The following MAPT variants were observed in gnomAD, a reference collection of about 807,000 sequenced individuals.
The protein encoded by MAPT is microtubule-associated protein tau.
A neutral mutation model predicts 67.9 loss-of-function variants in MAPT; 34 were observed. That is an observed-to-expected ratio of 0.50 (90% CI 0.38 to 0.67). MAPT has a LOEUF of 0.67. Ranked by LOEUF, MAPT falls within the 30% of genes least tolerant of loss-of-function variation. The pLI, the probability that MAPT is intolerant of heterozygous loss-of-function variation, is 0.00. For missense variants in MAPT, 881 were observed against 1,115.2 expected (o/e 0.79, Z 2.99); for synonymous variants, 456 against 464.5 (o/e 0.98, Z 0.23).
At chr17:45,918,389 G>T (rs952743514) in intron 1 of MAPT, among the ~76,000 whole-genome samples, 4 of 152,202 alleles carry the variant, frequency 2.6e-5, no homozygotes, top group African/African-American at 9.7e-5. Flanking sequence ...GGGCTGGCTG[G>T]GGTTGGATCT....
intron 2 of MAPT, among the ~76,000 whole-genome samples, chr17:45,963,369 CCTT>C (rs1489808266): frequency 6.6e-6 from 1 of 152,152 alleles, no homozygotes; most frequent in Non-Finnish European, 1.5e-5. Context: ...CCATGCTGGC[CCTT>C]CACCCACTGC....
chr17:45,990,347 C>T (rs527293267), intron 7 of MAPT, among the ~76,000 whole-genome samples: 1 of 152,264 alleles, frequency 6.6e-6, no homozygotes, highest in East Asian at 1.9e-4. Flanking sequence ...GGCACGGTGG[C>T]TCACACCTGT....
chr17:45,944,687 G>T (rs2068308379), intron 1 of MAPT, among the ~76,000 whole-genome samples: 1 of 152,210 alleles, frequency 6.6e-6, no homozygotes, highest in Non-Finnish European at 1.5e-5. Context: ...AAGCCTAGGA[G>T]CTGGTTATCA....
intron 9 of MAPT, among the ~76,000 whole-genome samples, chr17:46,003,919 C>G (rs117922561): frequency 1.6e-3 from 250 of 152,336 alleles, no homozygotes; most frequent in Non-Finnish European, 2.7e-3. Context: ...GTAAATAATT[C>G]TGAAGGTGAC....
chr17:45,945,684 A>C (rs1598086652), intron 1 of MAPT, among the ~76,000 whole-genome samples: 1 of 152,114 alleles, frequency 6.6e-6, no homozygotes, highest in South Asian at 2.1e-4. Flanking sequence ...GTGGTGGTGC[A>C]CACCTGTAAT....
At chr17:45,949,063 G>A (rs2068788829) in intron 1 of MAPT, among the ~76,000 whole-genome samples, 1 of 152,200 alleles carries the variant, frequency 6.6e-6, no homozygotes, top group Non-Finnish European at 1.5e-5. Context: ...AAATGTTTCC[G>A]GTATATTCAC....
intron 9 of MAPT, among the ~76,000 whole-genome samples, chr17:46,004,110 G>A (rs2075240849): frequency 6.6e-6 from 1 of 152,198 alleles, no homozygotes; most frequent in South Asian, 2.1e-4. Context: ...TGAGCCTGGT[G>A]AGGCAAAGCA....
In MAPT at chr17:45,996,229, G is replaced by C. The variant is rs1215731429; in HGVS notation, c.1733-170G>C. On this transcript the variant is annotated intron_variant, in intron 8 of 12. Coordinates refer to ENST00000262410, the MANE Select transcript of MAPT (RefSeq NM_001377265.1). This position sits in a 1 kb window ranked among gnomAD's most constrained non-coding sequence, Gnocchi z 4.5. ...CCCTAAGCAAAAAGGCAGGGAGGAA[G>C]AGATGCTTCCCCAGGGCAGCCGTCT... Among the ~76,000 whole-genome samples the C allele has an allele frequency of 6.6e-6, 1 of 152,184 alleles. No individual in the cohort carries two copies. The highest frequency in any genetic ancestry group is 1.5e-5 in the Non-Finnish European group (1 of 68,022).
intron 9 of MAPT, among the ~76,000 whole-genome samples, chr17:45,997,471 C>T (rs1290415278): frequency 6.6e-6 from 1 of 152,186 alleles, no homozygotes; most frequent in African/African-American, 2.4e-5. Flanking sequence ...TATAAGAACA[C>T]CATGGCAGCT....
intron 11 of MAPT, among the ~76,000 whole-genome samples, chr17:46,015,735 A>C (rs2076136192): frequency 6.6e-6 from 1 of 152,250 alleles, no homozygotes; most frequent in African/African-American, 2.4e-5. Context: ...TGTTTGTAAC[A>C]CAAAGGACAA....
Position 45,990,734 on chromosome 17 carries a change from G to A in MAPT, c.1605+659G>A, listed in dbSNP as rs980177064. ...CATCACGCCATAGCAACACTGCCCC[G>A]TGAGCTCACTGCCCCCTCAACTAGC... On this transcript the variant is annotated intron_variant, in intron 7 of 12. Coordinates refer to ENST00000262410, the MANE Select transcript of MAPT (RefSeq NM_001377265.1). Among the ~76,000 whole-genome samples, 4 of 152,080 alleles carry A rather than the reference G, an allele frequency of 2.6e-5. No individual in the cohort carries two copies. In the South Asian group the frequency reaches 6.2e-4, roughly 24 times the overall value.
Position 45,983,484 on chromosome 17 carries a change from C to T in MAPT, c.905C>T (p.Ser302Phe), listed in dbSNP as rs1218225501. 1.2e-6 allele frequency: 2 copies of T among 1,611,084 alleles called. No individual in the cohort carries two copies. Among genetic ancestry groups the T allele is most frequent in the Non-Finnish European group, 1.7e-6 (2 of 1,178,658 alleles). Residue 302 changes from serine to phenylalanine, a missense_variant, in exon 5 of 13, where the codon TCC becomes TTC. By Grantham distance (155) the Ser-to-Phe change is radical. This residue lies in a region of MAPT where 687 missense variants were observed against 766.1 expected (regional missense o/e 0.90). Coordinates refer to ENST00000262410, the MANE Select transcript of MAPT (RefSeq NM_001377265.1). ...EVDEDRDVDE[S>F]SPQDSPPSKA... ...GATGAAGACCGCGACGTCGATGAGT[C>T]CTCCCCCCAAGACTCCCCTCCCTCC...
Position 46,024,459 on chromosome 17 carries a change from C to T in MAPT, c.*288C>T, listed in dbSNP as rs993266975. Reference sequence around the variant, plus strand: ...TGGCCACATCCAACATTTCCTCAGGCAATTCCTTTTGATTCTTTTTTCTTC... The same window carrying T: ...TGGCCACATCCAACATTTCCTCAGGTAATTCCTTTTGATTCTTTTTTCTTC... On this transcript the variant is annotated 3_prime_UTR_variant, in exon 13 of 13. Coordinates refer to ENST00000262410, the MANE Select transcript of MAPT (RefSeq NM_001377265.1). 2 of 523,636 alleles carry T rather than the reference C, an allele frequency of 3.8e-6. No individual in the cohort carries two copies. Among genetic ancestry groups the T allele is most frequent in the African/African-American group, 3.8e-5 (2 of 52,512 alleles). The allele number at this position is 523,636 out of a possible 1,614,324, so 32.4% of individuals were successfully genotyped here. A position where few individuals can be genotyped will look rare whatever the true frequency, so the allele number is the denominator to read the frequency against.
At chr17:46,003,354 C>T (rs2075172096) in intron 9 of MAPT, among the ~76,000 whole-genome samples, 1 of 152,078 alleles carries the variant, frequency 6.6e-6, no homozygotes, top group Non-Finnish European at 1.5e-5. Context: ...TCTCGGCTCA[C>T]TGCAACCTCC....
chr17:45,967,649 A>T lies in MAPT; in HGVS notation c.134-4210A>T, dbSNP rs145365304. 1.4e-4 allele frequency among the ~76,000 whole-genome samples: 21 copies of T among 152,170 alleles called. No individual in the cohort carries two copies. The East Asian group carries it at 3.9e-3, about 28-fold the overall frequency. ...GTGTCTGATCTCACAGTGGAACTCC[A>T]CTTGCCTTTTTTTCATCTTCTCATT... is the stretch of plus-strand genomic sequence containing the variant. On this transcript the variant is annotated intron_variant, in intron 2 of 12. Coordinates refer to ENST00000262410, the MANE Select transcript of MAPT (RefSeq NM_001377265.1).
intron 1 of MAPT, among the ~76,000 whole-genome samples, chr17:45,931,108 A>C (rs998510793): frequency 6.6e-6 from 1 of 152,128 alleles, no homozygotes; most frequent in Non-Finnish European, 1.5e-5. Flanking sequence ...TCTGGGGGAA[A>C]AGTCATCCTC....
intron 1 of MAPT, among the ~76,000 whole-genome samples, chr17:45,953,847 T>A (rs1433919490): frequency 6.6e-6 from 1 of 152,050 alleles, no homozygotes; most frequent in African/African-American, 2.4e-5. Flanking sequence ...TTGCCCTGAG[T>A]CCTGGGAATG....
At chr17:45,935,248 C>G (rs1439979984) in intron 1 of MAPT, among the ~76,000 whole-genome samples, 1 of 152,100 alleles carries the variant, frequency 6.6e-6, no homozygotes, top group Non-Finnish European at 1.5e-5. Context: ...TTCCCTCAGC[C>G]TCCACCCCAA....
intron 1 of MAPT, among the ~76,000 whole-genome samples, chr17:45,949,708 T>C (rs568893842): frequency 1.3e-5 from 2 of 152,224 alleles, no homozygotes; most frequent in South Asian, 2.1e-4. Context: ...AATCCAAAAC[T>C]GGCAAGGGAT....
Sources: allele counts gnomAD v4.1 joint callset (sites outside exome capture counted in the v4.1 genomes callset), GRCh38; gene constraint gnomAD v4.1.1; regional missense constraint gnomAD v4.1.1; non-coding constraint Gnocchi (gnomAD v3.1); transcripts MANE v1.5; gene names NCBI Gene and HGNC (gene_info 2026-07-23, HGNC 2026-07-21).